Variants in CDH23 observed in about 807,000 individuals in gnomAD.
The protein encoded by CDH23 is cadherin-23.
CDH23 carries 189 observed loss-of-function variants against 317.1 expected under a neutral mutation model. That is an observed-to-expected ratio of 0.60 (90% CI 0.53 to 0.67). The LOEUF is 0.67. Among genes scored for constraint, CDH23 ranks in the 30% least tolerant of loss-of-function variants. CDH23 has a pLI of 0.00. For synonymous variants in CDH23, 1,839 were observed against 1,876.8 expected (o/e 0.98, Z 0.52); for missense variants, 4,401 against 4,592.4 (o/e 0.96, Z 1.20).
chr10:71,690,666 G>A, intron 20 of CDH23, 82 bp downstream of exon 20: 1 of 919,380 alleles, frequency 1.1e-6, no homozygotes, highest in Non-Finnish European at 1.7e-6. Context: ...CCAGCCTCTG[G>A]GCCCAGGTCC....
chr10:71,712,935 C>T lies in CDH23; in HGVS notation c.3369+122C>T, dbSNP rs555696795. The T allele has an allele frequency of 1.3e-4, 158 of 1,200,614 alleles. 1 individual carries two copies. Among genetic ancestry groups the T allele is most frequent in the Middle Eastern group, 1.2e-3 (5 of 4,334 alleles). The allele number at this position is 1,200,614 out of a possible 1,614,324, so 74.4% of individuals were successfully genotyped here. On this transcript the variant is annotated intron_variant, in intron 28 of 69. Coordinates refer to ENST00000224721, the MANE Select transcript of CDH23 (RefSeq NM_022124.6). ...AGCAGGTGGGGGCCCAGGGTGGGTC[C>T]GCTGCTCTGGAAGGTGCTGTGGGGA...
chr10:71,514,007 C>T (rs1188953254), intron 6 of CDH23, among the ~76,000 whole-genome samples: 2 of 151,996 alleles, frequency 1.3e-5, no homozygotes, highest in Non-Finnish European at 2.9e-5. Context: ...AAATCCAGGT[C>T]TATCTAAGGA....
At chr10:71,699,996 C>T (rs1236978145) in intron 22 of CDH23, among the ~76,000 whole-genome samples, 1 of 152,180 alleles carries the variant, frequency 6.6e-6, no homozygotes, top group Non-Finnish European at 1.5e-5. Context: ...TGAAATGTAT[C>T]TCAGCCTGTT....
At chr10:71,501,282 CA>C (rs1853317099) in intron 3 of CDH23, among the ~76,000 whole-genome samples, 1 of 152,170 alleles carries the variant, frequency 6.6e-6, no homozygotes, top group Non-Finnish European at 1.5e-5. Flanking sequence ...TGGTACCTGG[CA>C]AAGAGTCATG....
intron 3 of CDH23, among the ~76,000 whole-genome samples, chr10:71,457,956 G>A (rs1333025343): frequency 6.6e-6 from 1 of 152,206 alleles, no homozygotes. Context: ...GCAGGGGTGG[G>A]GGGCTGACAC....
In CDH23 at chr10:71,439,929, T is replaced by C. The variant is rs1489688221; in HGVS notation, c.67+31T>C. The C allele has an allele frequency of 3.2e-6, 5 of 1,541,516 alleles. No individual in the cohort carries two copies. In the East Asian group the frequency reaches 9.6e-5, roughly 30 times the overall value. On this transcript the variant is annotated intron_variant, in intron 2 of 69. Coordinates refer to ENST00000224721, the MANE Select transcript of CDH23 (RefSeq NM_022124.6). Reference sequence around the variant, plus strand: ...TCCAGTCCTCCCCGTGTCTATCCCATGGGCAGCCTCTGCACGGGAGGCCAG... The same window carrying C: ...TCCAGTCCTCCCCGTGTCTATCCCACGGGCAGCCTCTGCACGGGAGGCCAG...
intron 10 of CDH23, among the ~76,000 whole-genome samples, chr10:71,616,131 C>T (rs1861176758): frequency 6.6e-6 from 1 of 152,262 alleles, no homozygotes; most frequent in Admixed American, 6.5e-5. Flanking sequence ...AGCCGCCTGC[C>T]ACTCACGGTC....
intron 38 of CDH23, among the ~76,000 whole-genome samples, chr10:71,762,599 A>G (rs1408028596): frequency 6.6e-6 from 1 of 152,254 alleles, no homozygotes; most frequent in African/African-American, 2.4e-5. Flanking sequence ...ACCCCATGGC[A>G]AAGGCAATCC....
chr10:71,722,975 C>T (rs924409165), intron 28 of CDH23, among the ~76,000 whole-genome samples: 2 of 152,192 alleles, frequency 1.3e-5, no homozygotes, highest in Non-Finnish European at 2.9e-5. Context: ...CCAAGGTCAA[C>T]AATCCCAGAG....
intron 9 of CDH23, among the ~76,000 whole-genome samples, chr10:71,613,830 C>G (rs755654526): frequency 2.6e-5 from 4 of 152,184 alleles, no homozygotes; most frequent in African/African-American, 7.2e-5. Context: ...TATTAATTCT[C>G]TAACGTGGAA....
At chr10:71,508,020 C>T (rs2132189210) in intron 3 of CDH23, 1 of 152,382 alleles carries the variant, frequency 6.6e-6, no homozygotes, top group East Asian at 1.9e-4. Flanking sequence ...CTCCTTCTCA[C>T]CTTCTCCCAT....
At chr10:71,732,447 A>G in intron 32 of CDH23, 72 bp downstream of exon 32, 1 of 1,536,866 alleles carries the variant, frequency 6.5e-7, no homozygotes, top group South Asian at 1.2e-5. Flanking sequence ...TTCTGTGTGC[A>G]CAGCACTCTC....
intron 14 of CDH23, among the ~76,000 whole-genome samples, chr10:71,656,568 G>A (rs1196790675): frequency 6.6e-6 from 1 of 152,208 alleles, no homozygotes; most frequent in Non-Finnish European, 1.5e-5. Context: ...ATGGGGATGA[G>A]TGATGTGGGG....
intron 9 of CDH23, 106 bp from the exon 10 acceptor site, chr10:71,615,398 A>G (rs2132514630): frequency 1.3e-6 from 1 of 745,670 alleles, no homozygotes; most frequent in Non-Finnish European, 2.4e-6. Context: ...ATGAGTCTTT[A>G]ATGCCCAGAG....
At chr10:71,539,082 C>T (rs1476605631) in intron 6 of CDH23, among the ~76,000 whole-genome samples, 1 of 152,212 alleles carries the variant, frequency 6.6e-6, no homozygotes, top group Non-Finnish European at 1.5e-5. Context: ...ATCCTCCTCA[C>T]GCTGTGGCTC....
chr10:71,647,340 G>GGTGGCACACGCTAC (rs1201964768), intron 14 of CDH23, among the ~76,000 whole-genome samples: 1 of 152,182 alleles, frequency 6.6e-6, no homozygotes, highest in Non-Finnish European at 1.5e-5. Context: ...GCACACGCCT[G>GGTGGCACACGCTAC]TAGTCCCAGC....
chr10:71,679,180 G>A (rs1012799372), intron 16 of CDH23, among the ~76,000 whole-genome samples: 1 of 152,152 alleles, frequency 6.6e-6, no homozygotes, highest in Admixed American at 6.5e-5. Context: ...GGGGAGCAGG[G>A]CGTCTGCTGG....
chr10:71,694,323 G>A, intron 21 of CDH23, 64 bp downstream of exon 21: 1 of 1,280,574 alleles, frequency 7.8e-7, no homozygotes, highest in Non-Finnish European at 1.1e-6. Flanking sequence ...CTCCCTGCTT[G>A]TACCTCTGGA....
At chr10:71,470,932 G>A (rs537017836) in intron 3 of CDH23, among the ~76,000 whole-genome samples, 1 of 152,178 alleles carries the variant, frequency 6.6e-6, no homozygotes, top group Non-Finnish European at 1.5e-5. Flanking sequence ...CTTTGGTGAA[G>A]TGGCTATTCA....
Sources: gnomAD v4.1 joint callset for allele counts (sites outside exome capture counted in the v4.1 genomes callset) on GRCh38, gnomAD v4.1.1 for gene constraint, MANE v1.5 for transcripts, NCBI Gene and HGNC (gene_info 2026-07-23, HGNC 2026-07-21) for gene names.